Variants in PRKACB observed in about 807,000 individuals in gnomAD.
The protein encoded by PRKACB is protein kinase cAMP-activated catalytic subunit beta.
Under a neutral mutation model 51.4 loss-of-function variants are expected in PRKACB, and 16 were observed. That is an observed-to-expected ratio of 0.31 (90% CI 0.21 to 0.47). The LOEUF (loss-of-function observed/expected upper bound fraction) is 0.47, where lower values mean the gene tolerates loss of function less well. Among genes scored for constraint, PRKACB ranks in the 20% least tolerant of loss-of-function variants. PRKACB has a pLI of 1.00. For missense variants in PRKACB, 309 were observed against 464.5 expected (o/e 0.67, Z 3.08); for synonymous variants, 147 against 154.4 (o/e 0.95, Z 0.35).
chr1:84,176,162 A>G (rs1661188677), intron 1 of PRKACB, among the ~76,000 whole-genome samples: 1 of 151,860 alleles, frequency 6.6e-6, no homozygotes. Flanking sequence ...GATATGGCTT[A>G]TATATTAGAA....
intron 1 of PRKACB, among the ~76,000 whole-genome samples, chr1:84,128,122 C>T (rs955431051): frequency 1.3e-5 from 2 of 150,436 alleles, no homozygotes; most frequent in Admixed American, 6.7e-5. Flanking sequence ...AATTCTCCTG[C>T]CTCAGCTTCC....
chr1:84,177,117 T>C (rs1040829533), intron 1 of PRKACB, among the ~76,000 whole-genome samples: 1 of 152,042 alleles, frequency 6.6e-6, no homozygotes, highest in Admixed American at 6.6e-5. Context: ...AAATTATTTA[T>C]ACTCATATAG....
chr1:84,138,838 C>T (rs556068960), intron 1 of PRKACB, among the ~76,000 whole-genome samples: 4 of 152,068 alleles, frequency 2.6e-5, no homozygotes, highest in African/African-American at 9.6e-5. Flanking sequence ...TACACCAAGA[C>T]CAAAAGGGGT....
chr1:84,232,377 C>G (rs1420040235), intron 9 of PRKACB, among the ~76,000 whole-genome samples: 4 of 152,040 alleles, frequency 2.6e-5, no homozygotes, highest in African/African-American at 9.7e-5. Flanking sequence ...TGGTGTGGTG[C>G]TGAAAAAAAT....
intron 8 of PRKACB, among the ~76,000 whole-genome samples, chr1:84,208,657 C>T (rs1671700801): frequency 6.6e-6 from 1 of 152,038 alleles, no homozygotes. Context: ...TTCTTTAATT[C>T]AAAAATTCAG....
At chr1:84,083,923 A>G (rs1291561307) in intron 1 of PRKACB, among the ~76,000 whole-genome samples, 3 of 152,208 alleles carry the variant, frequency 2.0e-5, no homozygotes, top group Admixed American at 1.3e-4. Flanking sequence ...AAAATGTGAC[A>G]GACTCTACAC....
intron 7 of PRKACB, among the ~76,000 whole-genome samples, chr1:84,200,730 T>C (rs935085227): frequency 1.3e-5 from 2 of 152,194 alleles, no homozygotes; most frequent in Non-Finnish European, 2.9e-5. Flanking sequence ...GCACCATTTA[T>C]TGAGTAGGGA....
chr1:84,182,537 C>A (rs1004693343), intron 3 of PRKACB, among the ~76,000 whole-genome samples: 1 of 151,846 alleles, frequency 6.6e-6, no homozygotes, highest in Non-Finnish European at 1.5e-5. Flanking sequence ...GGTTCCACGT[C>A]CATGGATTTA....
chr1:84,174,939 A>G (rs1311241840), intron 1 of PRKACB: 3 of 1,142,770 alleles, frequency 2.6e-6, no homozygotes, highest in Admixed American at 7.1e-5. Context: ...TTATTTCTGT[A>G]TATAGTATTC....
chr1:84,181,833 C>A (rs1038779881), intron 2 of PRKACB: 2 of 737,954 alleles, frequency 2.7e-6, no homozygotes, highest in Non-Finnish European at 3.9e-6. Flanking sequence ...GTCAGTATGC[C>A]TCTGGTCAGT....
chr1:84,194,709 T>C (rs1667718709), intron 5 of PRKACB, among the ~76,000 whole-genome samples: 1 of 151,988 alleles, frequency 6.6e-6, no homozygotes, highest in African/African-American at 2.4e-5. Context: ...GTGGATCACT[T>C]GAGCTCAGGA....
intron 1 of PRKACB, among the ~76,000 whole-genome samples, chr1:84,125,756 T>C (rs1210940377): frequency 1.3e-5 from 2 of 152,000 alleles, no homozygotes; most frequent in Non-Finnish European, 2.9e-5. Flanking sequence ...AAAATAAAAT[T>C]TAGAAGGCAG....
At chr1:84,124,328 A>C (rs1416668245) in intron 1 of PRKACB, among the ~76,000 whole-genome samples, 1 of 152,232 alleles carries the variant, frequency 6.6e-6, no homozygotes, top group Non-Finnish European at 1.5e-5. Context: ...GTCGTCTTAC[A>C]TAAATGGAAC....
chr1:84,202,455 A>G (rs534955262), intron 7 of PRKACB, among the ~76,000 whole-genome samples: 1 of 152,178 alleles, frequency 6.6e-6, no homozygotes, highest in Non-Finnish European at 1.5e-5. Context: ...AGAAGATTTA[A>G]TACTCTTTCC....
intron 1 of PRKACB, among the ~76,000 whole-genome samples, chr1:84,081,077 T>C (rs1041359235): frequency 3.9e-5 from 6 of 152,100 alleles, no homozygotes; most frequent in Non-Finnish European, 8.8e-5. Flanking sequence ...TGTATGAAAA[T>C]GTTTGATTTG....
intron 1 of PRKACB, among the ~76,000 whole-genome samples, chr1:84,163,017 C>A (rs2684915): frequency 0.021 from 3,135 of 152,030 alleles, 56 homozygotes; most frequent in Non-Finnish European, 0.03. Flanking sequence ...GATTTCTCTG[C>A]TTAGTTTTTT....
At chr1:84,157,634 A>G (rs1655666382) in intron 1 of PRKACB, among the ~76,000 whole-genome samples, 1 of 152,258 alleles carries the variant, frequency 6.6e-6, no homozygotes, top group Admixed American at 6.5e-5. Flanking sequence ...GATGTTTTAT[A>G]TAAATTGAAT....
chr1:84,108,025 T>TA (rs1649924151), intron 1 of PRKACB, among the ~76,000 whole-genome samples: 1 of 152,078 alleles, frequency 6.6e-6, no homozygotes, highest in Non-Finnish European at 1.5e-5. Context: ...ACACATTCAC[T>TA]TGTTTATTCA....
rs530123093 is a variant in PRKACB, at chr1:84,199,278, T to C, written c.783+1454T>C. 2.8e-4 allele frequency among the ~76,000 whole-genome samples: 42 copies of C among 152,008 alleles called. No homozygotes were observed. In the South Asian group the frequency reaches 4.4e-3, roughly 16 times the overall value. ...GAATTAAGCCCAGTACCCATAGTTA[T>C]CTTTTCTTATCCTCTCCCTCCTCCC... On this transcript the variant is annotated intron_variant, in intron 7 of 9. Coordinates refer to ENST00000370685, the MANE Select transcript of PRKACB (RefSeq NM_182948.4).
Sources: allele counts gnomAD v4.1 joint callset (sites outside exome capture counted in the v4.1 genomes callset), GRCh38; gene constraint gnomAD v4.1.1; transcripts MANE v1.5; gene names NCBI Gene and HGNC (gene_info 2026-07-23, HGNC 2026-07-21).